TTC28: variants seen among roughly 807,000 people sequenced by gnomAD.
TTC28 encodes tetratricopeptide repeat protein 28.
Under a neutral mutation model 198.0 loss-of-function variants are expected in TTC28, and 61 were observed. The ratio of observed to expected loss-of-function variants is 0.31; its 90% CI spans 0.25 to 0.38. The LOEUF (loss-of-function observed/expected upper bound fraction) is 0.38, where lower values mean the gene tolerates loss of function less well. Ranked by LOEUF, TTC28 falls within the 10% of genes least tolerant of loss-of-function variation. The pLI, the probability that TTC28 is intolerant of heterozygous loss-of-function variation, is 1.00. For missense variants in TTC28, 2,678 were observed against 3,164.0 expected (o/e 0.85, Z 3.69); for synonymous variants, 1,171 against 1,297.8 (o/e 0.90, Z 2.10).
chr22:28,022,509 C>A (rs899729643), intron 13 of TTC28, among the ~76,000 whole-genome samples: 7 of 152,242 alleles, frequency 4.6e-5, no homozygotes, highest in Non-Finnish European at 1.0e-4. Flanking sequence ...TGCTCACCTG[C>A]TCACACTCAC....
intron 2 of TTC28, among the ~76,000 whole-genome samples, chr22:28,596,524 C>G (rs908288466): frequency 2.6e-5 from 4 of 152,160 alleles, no homozygotes; most frequent in Non-Finnish European, 5.9e-5. Flanking sequence ...ATTAAAATTA[C>G]TATTCTATTG....
At chr22:28,145,822 T>A (rs1183076395) in intron 6 of TTC28, among the ~76,000 whole-genome samples, 1 of 152,240 alleles carries the variant, frequency 6.6e-6, no homozygotes, top group Non-Finnish European at 1.5e-5. Flanking sequence ...TACAACAGTT[T>A]TGAGTGTTTA....
At chr22:28,631,538 T>C (rs1254705719) in intron 1 of TTC28, among the ~76,000 whole-genome samples, 1 of 152,198 alleles carries the variant, frequency 6.6e-6, no homozygotes, top group Non-Finnish European at 1.5e-5. Flanking sequence ...TTGTGGGTTT[T>C]TTTGAGACAG....
At chr22:28,157,859 A>G (rs546250741) in intron 6 of TTC28, among the ~76,000 whole-genome samples, 1 of 152,338 alleles carries the variant, frequency 6.6e-6, no homozygotes, top group African/African-American at 2.4e-5. Flanking sequence ...CTGGAACACG[A>G]CAAGGATGCC....
intron 2 of TTC28, among the ~76,000 whole-genome samples, chr22:28,482,204 A>C (rs2048256735): frequency 8.6e-6 from 1 of 116,436 alleles, no homozygotes; most frequent in Non-Finnish European, 1.7e-5. Context: ...AGTAATGGGC[A>C]GTCTTTTTTT....
chr22:28,561,567 T>C (rs955349008), intron 2 of TTC28, among the ~76,000 whole-genome samples: 23 of 152,308 alleles, frequency 1.5e-4, no homozygotes, highest in African/African-American at 5.5e-4. Flanking sequence ...AGGTATTTAA[T>C]AGATATAATG....
chr22:28,548,361 G>A (rs551702685), intron 2 of TTC28, among the ~76,000 whole-genome samples: 11 of 152,160 alleles, frequency 7.2e-5, no homozygotes, highest in Non-Finnish European at 1.2e-4. Flanking sequence ...TAGGGTAAGC[G>A]GAGAGACCTT....
At chr22:28,177,771 T>G (rs1047907579) in intron 5 of TTC28, among the ~76,000 whole-genome samples, 2 of 152,180 alleles carry the variant, frequency 1.3e-5, no homozygotes, top group African/African-American at 4.8e-5. Flanking sequence ...CAACATATTG[T>G]ATGATTTCAA....
At chr22:28,637,855 T>G (rs1456483848) in intron 1 of TTC28, among the ~76,000 whole-genome samples, 3 of 150,998 alleles carry the variant, frequency 2.0e-5, no homozygotes, top group African/African-American at 7.3e-5. Context: ...AGACTGAAAG[T>G]GAAGGGACAG....
intron 2 of TTC28, among the ~76,000 whole-genome samples, chr22:28,506,848 AAAAC>A (rs564444860): frequency 1.3e-3 from 205 of 152,378 alleles, no homozygotes; most frequent in African/African-American, 3.9e-3. Flanking sequence ...TGTTAAAAGA[AAAAC>A]AAACAGAAAA....
intron 5 of TTC28, among the ~76,000 whole-genome samples, chr22:28,243,205 A>AAAAAAAAAAAAAAAAAAAAC (rs1929808578): frequency 8.6e-6 from 1 of 116,428 alleles, no homozygotes; most frequent in Non-Finnish European, 1.8e-5. Context: ...AAAAAAAAAA[A>AAAAAAAAAAAAAAAAAAAAC]AAAAAAAACT....
chr22:28,597,105 T>C (rs1267242217), intron 2 of TTC28, among the ~76,000 whole-genome samples: 1 of 152,206 alleles, frequency 6.6e-6, no homozygotes, highest in Non-Finnish European at 1.5e-5. Context: ...ATATTATCAT[T>C]TGCTCATTCT....
chr22:28,493,254 G>A (rs2048403479), intron 2 of TTC28, among the ~76,000 whole-genome samples: 1 of 152,048 alleles, frequency 6.6e-6, no homozygotes, highest in Non-Finnish European at 1.5e-5. Flanking sequence ...TACTCGGTAG[G>A]CTGAGGTAAG....
intron 2 of TTC28, among the ~76,000 whole-genome samples, chr22:28,315,744 T>C (rs1251647369): frequency 1.3e-5 from 2 of 152,202 alleles, no homozygotes; most frequent in African/African-American, 4.8e-5. Flanking sequence ...TTGATATTTA[T>C]CTACCCCTTC....
chr22:27,990,934 G>A (rs1015499788), intron 19 of TTC28, 122 bp from the exon 20 acceptor site: 21 of 966,148 alleles, frequency 2.2e-5, no homozygotes, highest in South Asian at 1.2e-4. Flanking sequence ...CCAGGCCCGC[G>A]GCTCTGACTG....
chr22:28,066,831 G>A (rs1461384848), intron 12 of TTC28, among the ~76,000 whole-genome samples: 1 of 152,136 alleles, frequency 6.6e-6, no homozygotes, highest in Non-Finnish European at 1.5e-5. Flanking sequence ...CACCTCTCCA[G>A]CCTGTTTCCA....
At chr22:28,502,446 C>G (rs1568983536) in intron 2 of TTC28, among the ~76,000 whole-genome samples, 2 of 151,184 alleles carry the variant, frequency 1.3e-5, no homozygotes, top group Non-Finnish European at 1.5e-5. Flanking sequence ...CGAGACCATC[C>G]TGGCTAACAC....
intron 5 of TTC28, among the ~76,000 whole-genome samples, chr22:28,232,219 A>G (rs1391873599): frequency 6.6e-6 from 1 of 152,222 alleles, no homozygotes; most frequent in Non-Finnish European, 1.5e-5. Context: ...AAAGCCAATC[A>G]ATTGAATGAT....
chr22:28,172,654 T>C (rs1334350201), intron 5 of TTC28, among the ~76,000 whole-genome samples: 3 of 152,184 alleles, frequency 2.0e-5, no homozygotes, highest in Non-Finnish European at 2.9e-5. Context: ...GACTATTACA[T>C]TGGCTCTTTC....
Sources: gnomAD v4.1 joint callset for allele counts (sites outside exome capture counted in the v4.1 genomes callset) on GRCh38, gnomAD v4.1.1 for gene constraint, MANE v1.5 for transcripts, NCBI Gene and HGNC (gene_info 2026-07-23, HGNC 2026-07-21) for gene names.